The following ZBTB16 variants were observed in gnomAD, a reference collection of about 807,000 sequenced individuals.
ZBTB16 encodes zinc finger and BTB domain-containing protein 16.
Under a neutral mutation model 56.8 loss-of-function variants are expected in ZBTB16, and 8 were observed. That is an observed-to-expected ratio of 0.14 (90% CI 0.08 to 0.25). The LOEUF (loss-of-function observed/expected upper bound fraction) is 0.25, where lower values mean the gene tolerates loss of function less well. Ranked by LOEUF, ZBTB16 falls within the 10% of genes least tolerant of loss-of-function variation. ZBTB16 has a pLI of 1.00. For synonymous variants in ZBTB16, 363 were observed against 368.5 expected (o/e 0.98, Z 0.17); for missense variants, 625 against 903.0 (o/e 0.69, Z 3.95).
chr11:114,164,057 T>G (rs1271784301), intron 3 of ZBTB16, among the ~76,000 whole-genome samples: 1 of 152,146 alleles, frequency 6.6e-6, no homozygotes, highest in Non-Finnish European at 1.5e-5. Flanking sequence ...AGACAAAGTG[T>G]TTTGATGGAG....
intron 2 of ZBTB16, among the ~76,000 whole-genome samples, chr11:114,139,502 C>T (rs2134888597): frequency 6.6e-6 from 1 of 152,260 alleles, no homozygotes; most frequent in East Asian, 1.9e-4. Context: ...ACTTCATCTG[C>T]TCCCCCACTG....
chr11:114,161,417 C>G (rs927360826), intron 3 of ZBTB16, among the ~76,000 whole-genome samples: 3 of 152,166 alleles, frequency 2.0e-5, no homozygotes, highest in African/African-American at 7.2e-5. Context: ...AAGACTGCTA[C>G]AACATCCCTG....
chr11:114,199,418 G>A (rs1448619266), intron 4 of ZBTB16, among the ~76,000 whole-genome samples: 2 of 152,232 alleles, frequency 1.3e-5, no homozygotes, highest in African/African-American at 4.8e-5. Context: ...ATGGATGCTG[G>A]GCCCCGGGAT....
intron 2 of ZBTB16, among the ~76,000 whole-genome samples, chr11:114,124,663 GC>G (rs756556637): frequency 1.3e-5 from 2 of 151,784 alleles, no homozygotes; most frequent in African/African-American, 2.4e-5. Flanking sequence ...TGGCAAATCA[GC>G]ATCTCTTGGC....
chr11:114,094,852 C>T (rs1446942799), intron 2 of ZBTB16, among the ~76,000 whole-genome samples: 1 of 152,238 alleles, frequency 6.6e-6, no homozygotes, highest in African/African-American at 2.4e-5. Context: ...TTTGAGCTAT[C>T]AGTTCCAAGT....
In ZBTB16 at chr11:114,250,483, G is replaced by A. The variant is rs1944898201; in HGVS notation, c.1950G>A (p.Lys650=). 6.2e-7 allele frequency: 1 copy of A among 1,614,164 alleles called. No individual in the cohort carries two copies. Among genetic ancestry groups the A allele is most frequent in the Non-Finnish European group, 8.5e-7 (1 of 1,180,026 alleles). Residue 650 remains lysine (K), a synonymous_variant, in exon 7 of 7, where the codon AAG becomes AAA. Transcript: ENST00000335953. This position sits in a 1 kb window ranked among gnomAD's most constrained non-coding sequence, Gnocchi z 6.0. ...PSLSSMQKHM[K]GHKPEEIPPD... is the part of the protein sequence containing the mutation. ...TCTCCTCCATGCAGAAGCACATGAA[G>A]GGCCACAAGCCCGAGGAGATCCCGC...
intron 3 of ZBTB16, among the ~76,000 whole-genome samples, chr11:114,174,416 C>A (rs542840232): frequency 6.6e-6 from 1 of 151,878 alleles, no homozygotes; most frequent in African/African-American, 2.4e-5. Flanking sequence ...CATGGTGTCT[C>A]CTGCCTGTAA....
At position 114,209,284 on chromosome 11, in the gene ZBTB16, A is replaced by G. The variant is rs529042407; in HGVS notation, c.1453+22246A>G. On this transcript the variant is annotated intron_variant, in intron 4 of 6. Coordinates refer to ENST00000335953, the MANE Select transcript of ZBTB16 (RefSeq NM_006006.6). The stretch of plus-strand genomic sequence containing the variant: ...TGTGCTGGAGAAGGATTTGCTGGCC[A>G]TTTCTTGTGAAATAAACTTTTTTGT... 4.7e-5 allele frequency: 33 copies of G among 704,262 alleles called. No individual in the cohort carries two copies. In the African/African-American group the frequency reaches 6.2e-4, roughly 13 times the overall value. The allele number at this position is 704,262 out of a possible 1,614,324, so 43.6% of individuals were successfully genotyped here.
chr11:114,207,590 AACACACACACAC>A (rs66489516), intron 4 of ZBTB16, among the ~76,000 whole-genome samples: 10 of 143,720 alleles, frequency 7.0e-5, no homozygotes, highest in East Asian at 6.1e-4. Context: ...ACACACACAC[AACACACACACAC>A]ACACACACAC....
intron 4 of ZBTB16, among the ~76,000 whole-genome samples, chr11:114,235,750 T>G (rs1162523246): frequency 1.3e-5 from 2 of 149,032 alleles, no homozygotes; most frequent in African/African-American, 2.5e-5. Flanking sequence ...TTTTCTTTCC[T>G]TCCTTCCTTC....
At chr11:114,118,585 A>G (rs1941247532) in intron 2 of ZBTB16, among the ~76,000 whole-genome samples, 1 of 152,210 alleles carries the variant, frequency 6.6e-6, no homozygotes, top group Non-Finnish European at 1.5e-5. Flanking sequence ...TCTATCAGTC[A>G]TCATGAGTAA....
chr11:114,151,116 G>T (rs1942268226), intron 2 of ZBTB16, among the ~76,000 whole-genome samples: 1 of 152,170 alleles, frequency 6.6e-6, no homozygotes, highest in Non-Finnish European at 1.5e-5. Flanking sequence ...GCACTGAGAA[G>T]GTCAAATTGA....
intron 3 of ZBTB16, among the ~76,000 whole-genome samples, chr11:114,166,201 C>T (rs1013863282): frequency 1.0e-4 from 14 of 134,162 alleles, no homozygotes; most frequent in Admixed American, 6.0e-4. Flanking sequence ...GACTGGTCTA[C>T]GTGTGTGTGT....
At chr11:114,201,317 T>C (rs1171332689) in intron 4 of ZBTB16, among the ~76,000 whole-genome samples, 1 of 152,052 alleles carries the variant, frequency 6.6e-6, no homozygotes, top group Non-Finnish European at 1.5e-5. Context: ...GAAAGTTCAT[T>C]GCACACCTTG....
intron 4 of ZBTB16, among the ~76,000 whole-genome samples, chr11:114,226,849 G>T (rs536642639): frequency 6.6e-6 from 1 of 152,184 alleles, no homozygotes; most frequent in Non-Finnish European, 1.5e-5. Context: ...GGAAATGCTA[G>T]TGGGCAATGT....
chr11:114,124,556 C>CAAAAAAAAAAAAAAAAAAAAAAA (rs1565638067), intron 2 of ZBTB16, among the ~76,000 whole-genome samples: 1 of 79,620 alleles, frequency 1.3e-5, no homozygotes, highest in African/African-American at 4.6e-5. Context: ...AAAAAAAAAA[C>CAAAAAAAAAAAAAAAAAAAAAAA]CAAAAAAAAA....
intron 3 of ZBTB16, among the ~76,000 whole-genome samples, chr11:114,160,716 A>C (rs572591651): frequency 1.3e-5 from 2 of 152,316 alleles, no homozygotes; most frequent in South Asian, 4.1e-4. Context: ...TTCAATTCGA[A>C]TGTGTGAATT....
rs1268566062 is a variant in ZBTB16, at chr11:114,201,805, T to A, written c.1453+14767T>A. On this transcript the variant is annotated intron_variant, in intron 4 of 6. Transcript: ENST00000335953. ...TAGAAGTGGGATTATAGGGCAAAGG[T>A]GTTCTACTTTCTGCTTTATCTATTT... is the stretch of plus-strand genomic sequence containing the variant. Among the ~76,000 whole-genome samples, 5 of 152,334 alleles carry A rather than the reference T, an allele frequency of 3.3e-5. No homozygotes were observed. The East Asian group carries it at 9.7e-4, about 29-fold the overall frequency.
chr11:114,239,460 G>C (rs1047472814), intron 4 of ZBTB16, among the ~76,000 whole-genome samples: 1 of 152,124 alleles, frequency 6.6e-6, no homozygotes, highest in Non-Finnish European at 1.5e-5. Flanking sequence ...TTGAAGGAGT[G>C]GGGGCCACCG....
Sources: gnomAD v4.1 joint callset for allele counts (sites outside exome capture counted in the v4.1 genomes callset) on GRCh38, gnomAD v4.1.1 for gene constraint, Gnocchi (gnomAD v3.1) non-coding constraint, MANE v1.5 for transcripts, NCBI Gene and HGNC (gene_info 2026-07-23, HGNC 2026-07-21) for gene names.